The following NHSL1 variants were observed in gnomAD, a reference collection of about 807,000 sequenced individuals.
NHSL1 encodes NHS like 1, also known as NHS-like protein 1.
In NHSL1, 48 loss-of-function variants were observed where a neutral mutation model predicts 95.0. The ratio of observed to expected loss-of-function variants is 0.51; its 90% CI spans 0.40 to 0.64. The LOEUF (loss-of-function observed/expected upper bound fraction) is 0.64. Among genes scored for constraint, NHSL1 ranks in the 30% least tolerant of loss-of-function variants. The pLI is 0.00. For missense variants in NHSL1, 1,971 were observed against 2,077.7 expected (o/e 0.95, Z 1.00); for synonymous variants, 783 against 833.9 (o/e 0.94, Z 1.05).
chr6:138,663,082 A>G (rs1785247469), intron 1 of NHSL1, among the ~76,000 whole-genome samples: 1 of 150,152 alleles, frequency 6.7e-6, no homozygotes, highest in Non-Finnish European at 1.5e-5. Flanking sequence ...AAGAAAAAGA[A>G]ATATTAAATG....
At chr6:138,665,749 C>G (rs35755972) in intron 1 of NHSL1, among the ~76,000 whole-genome samples, 1 of 152,078 alleles carries the variant, frequency 6.6e-6, no homozygotes, top group Non-Finnish European at 1.5e-5. Context: ...TCTATTGCAT[C>G]CTAGACATTA....
chr6:138,675,491 C>G (rs893901091), intron 1 of NHSL1, among the ~76,000 whole-genome samples: 1 of 151,994 alleles, frequency 6.6e-6, no homozygotes, highest in African/African-American at 2.4e-5. Context: ...CTGGTTGTCA[C>G]CTATAATTCA....
chr6:138,504,643 G>A (rs1356726275), intron 1 of NHSL1, among the ~76,000 whole-genome samples: 2 of 152,218 alleles, frequency 1.3e-5, no homozygotes, highest in Non-Finnish European at 2.9e-5. Flanking sequence ...GCCACCGTGG[G>A]TGAGTGGTAG....
chr6:138,662,049 G>A (rs1268549834), intron 1 of NHSL1, among the ~76,000 whole-genome samples: 1 of 151,738 alleles, frequency 6.6e-6, no homozygotes, highest in African/African-American at 2.4e-5. Flanking sequence ...ACTACAGCCT[G>A]GACAACAGAC....
upstream of NHSL1, among the ~76,000 whole-genome samples, chr6:138,502,611 C>CA (rs967795731): frequency 2.0e-5 from 3 of 151,640 alleles, no homozygotes; most frequent in African/African-American, 4.8e-5. Flanking sequence ...TTGCACAGGG[C>CA]AAAAAAAGAA....
chr6:138,526,395 C>A (rs1781907954), intron 1 of NHSL1, among the ~76,000 whole-genome samples: 1 of 152,138 alleles, frequency 6.6e-6, no homozygotes, highest in East Asian at 1.9e-4. Context: ...GTGAGAGGAT[C>A]ACTTGAGCCT....
intron 1 of NHSL1, among the ~76,000 whole-genome samples, chr6:138,581,897 CTT>C (rs370719757): frequency 0.16 from 19,284 of 124,254 alleles, 2,722 homozygotes; most frequent in African/African-American, 0.41. Flanking sequence ...CTTTTTCTTT[CTT>C]TTTTTTTTTT....
upstream of NHSL1, among the ~76,000 whole-genome samples, chr6:138,572,718 A>C (rs1170225484): frequency 6.6e-6 from 1 of 152,232 alleles, no homozygotes; most frequent in Non-Finnish European, 1.5e-5. Flanking sequence ...AAACTTCTGA[A>C]CTTTAGCGCA....
At chr6:138,546,175 T>C (rs530071385), upstream of NHSL1, among the ~76,000 whole-genome samples, 1 of 152,086 alleles carries the variant, frequency 6.6e-6, no homozygotes, top group Non-Finnish European at 1.5e-5. Context: ...CACATTATAA[T>C]AGGAAACTTT....
At chr6:138,655,592 T>C (rs1382705792) in intron 1 of NHSL1, among the ~76,000 whole-genome samples, 2 of 152,150 alleles carry the variant, frequency 1.3e-5, no homozygotes, top group Admixed American at 6.5e-5. Context: ...GAAAAATGGA[T>C]CACATTCAAC....
chr6:138,558,280 G>A (rs1783273458), intron 1 of NHSL1, among the ~76,000 whole-genome samples: 2 of 151,436 alleles, frequency 1.3e-5, no homozygotes, highest in Admixed American at 6.6e-5. Flanking sequence ...CCACCACCAC[G>A]CCCGGCTAAT....
intron 4 of NHSL1, among the ~76,000 whole-genome samples, chr6:138,445,596 G>A (rs891430135): frequency 1.3e-5 from 2 of 152,018 alleles, no homozygotes; most frequent in African/African-American, 4.8e-5. Context: ...AATTTCTATG[G>A]AATTTAAAAT....
chr6:138,628,998 T>C (rs550732321), intron 1 of NHSL1, among the ~76,000 whole-genome samples: 1 of 152,358 alleles, frequency 6.6e-6, no homozygotes, highest in South Asian at 2.1e-4. Flanking sequence ...CATGTCACTA[T>C]GGTGCTCAAC....
At chr6:138,689,362 T>C (rs1785628937) in intron 1 of NHSL1, among the ~76,000 whole-genome samples, 1 of 152,102 alleles carries the variant, frequency 6.6e-6, no homozygotes, top group Non-Finnish European at 1.5e-5. Context: ...GAGTCTTCAA[T>C]GAACAGAATA....
chr6:138,628,244 G>A (rs1007863707), intron 1 of NHSL1, among the ~76,000 whole-genome samples: 3 of 150,806 alleles, frequency 2.0e-5, no homozygotes, highest in Non-Finnish European at 2.9e-5. Flanking sequence ...CCTGGGAAGC[G>A]GAGGTTGCGG....
chr6:138,429,489 G>A (rs977980033), intron 7 of NHSL1, among the ~76,000 whole-genome samples: 1 of 152,128 alleles, frequency 6.6e-6, no homozygotes, highest in Non-Finnish European at 1.5e-5. Flanking sequence ...ATCACATTGA[G>A]CCACTGTCCC....
chr6:138,451,823 G>A (rs1777257182), intron 3 of NHSL1, among the ~76,000 whole-genome samples: 1 of 152,060 alleles, frequency 6.6e-6, no homozygotes, highest in Admixed American at 6.6e-5. Flanking sequence ...AGGTCTTCTG[G>A]TCTCAAAACA....
rs191264049 is a variant in NHSL1, at chr6:138,552,169, C to T, written c.202+19541G>A. 5.9e-4 allele frequency among the ~76,000 whole-genome samples: 90 copies of T among 152,252 alleles called. 2 individuals carry two copies. The East Asian group carries it at 0.017, about 29-fold the overall frequency. On this transcript the variant is annotated intron_variant, in intron 1 of 6. Coordinates refer to the NHSL1 transcript ENST00000427025. Reference sequence around the variant, plus strand: ...GGCATGGTGGCTCATGCCTGTAATCCCAGCACTTTGGGAGGCCGAGGCAGG... The same window carrying T: ...GGCATGGTGGCTCATGCCTGTAATCTCAGCACTTTGGGAGGCCGAGGCAGG...
intron 1 of NHSL1, among the ~76,000 whole-genome samples, chr6:138,683,802 A>C (rs1785543524): frequency 6.6e-6 from 1 of 152,228 alleles, no homozygotes; most frequent in Non-Finnish European, 1.5e-5. Flanking sequence ...TCACTGTATC[A>C]CTGTCACACA....
Sources: gnomAD v4.1 joint callset for allele counts (sites outside exome capture counted in the v4.1 genomes callset) on GRCh38, gnomAD v4.1.1 for gene constraint, MANE v1.5 for transcripts, NCBI Gene and HGNC (gene_info 2026-07-23, HGNC 2026-07-21) for gene names.